KIF16B: variants seen among roughly 807,000 people sequenced by gnomAD.
KIF16B encodes kinesin-like protein KIF16B.
Under a neutral mutation model 156.3 loss-of-function variants are expected in KIF16B, and 98 were observed. That is an observed-to-expected ratio of 0.63 (90% CI 0.53 to 0.74). The LOEUF (loss-of-function observed/expected upper bound fraction) is 0.74, where lower values mean the gene tolerates loss of function less well. Among genes scored for constraint, KIF16B ranks in the 30% least tolerant of loss-of-function variants. KIF16B has a pLI of 0.00. For missense variants in KIF16B, 1,421 were observed against 1,606.5 expected (o/e 0.88, Z 1.97); for synonymous variants, 564 against 583.7 (o/e 0.97, Z 0.49).
In KIF16B at chr20:16,272,254, T is replaced by A. The variant is rs2062996082; in HGVS notation, c.*999A>T. 1 of 152,668 alleles carries A rather than the reference T, an allele frequency of 6.6e-6. No individual in the cohort carries two copies. Among genetic ancestry groups the A allele is most frequent in the African/African-American group, 2.4e-5 (1 of 41,472 alleles). The allele number at this position is 152,668 out of a possible 1,614,324, so 9.5% of individuals were successfully genotyped here. A position where few individuals can be genotyped will look rare whatever the true frequency, so the allele number is the denominator to read the frequency against. ...ATATATAAATCTATAGATAGAATTA[T>A]ATACATTTGAGTATATACCACATAC... On this transcript the variant is annotated 3_prime_UTR_variant, in exon 26 of 26. Coordinates refer to ENST00000354981, the MANE Select transcript of KIF16B (RefSeq NM_024704.5).
chr20:16,542,186 T>C (rs2070230775), intron 1 of KIF16B, among the ~76,000 whole-genome samples: 1 of 152,020 alleles, frequency 6.6e-6, no homozygotes, highest in Non-Finnish European at 1.5e-5. Context: ...AGCCTAACAA[T>C]CAGAAGTGCC....
intron 15 of KIF16B, among the ~76,000 whole-genome samples, chr20:16,419,641 A>G (rs1043486675): frequency 6.6e-6 from 1 of 152,202 alleles, no homozygotes; most frequent in African/African-American, 2.4e-5. Flanking sequence ...TGAATAGTCA[A>G]TGGATCTGAC....
chr20:16,377,297 T>C (rs1343549973), intron 19 of KIF16B, among the ~76,000 whole-genome samples: 4 of 152,052 alleles, frequency 2.6e-5, no homozygotes, highest in Non-Finnish European at 4.4e-5. Context: ...TGGTGGCTCA[T>C]GACTATAATC....
At chr20:16,305,646 T>G (rs1363380733) in intron 25 of KIF16B, among the ~76,000 whole-genome samples, 1 of 152,184 alleles carries the variant, frequency 6.6e-6, no homozygotes, top group Non-Finnish European at 1.5e-5. Context: ...TAATTGTATT[T>G]TTGTACCCAT....
intron 15 of KIF16B, among the ~76,000 whole-genome samples, chr20:16,425,569 A>C (rs910900772): frequency 5.9e-5 from 9 of 152,152 alleles, no homozygotes; most frequent in Admixed American, 3.3e-4. Flanking sequence ...AATTTACAAT[A>C]TCAAAGTACC....
chr20:16,419,316 A>G (rs2146363972), intron 15 of KIF16B, among the ~76,000 whole-genome samples: 1 of 152,292 alleles, frequency 6.6e-6, no homozygotes, highest in South Asian at 2.1e-4. Flanking sequence ...GAAGGAACAG[A>G]CACTGATACC....
chr20:16,388,223 T>A (rs953490678), intron 17 of KIF16B, among the ~76,000 whole-genome samples: 1 of 152,204 alleles, frequency 6.6e-6, no homozygotes, highest in African/African-American at 2.4e-5. Context: ...AGAGAGATTT[T>A]TAGATATGCA....
rs757018099 is a variant in KIF16B, at chr20:16,389,563, C to A, written c.1785-7816G>T. Reference sequence around the variant, plus strand: ...GACAAAAAATGATTGACCTTTTCACCACACTACCATCCCCTAGGAAACTTC... The same window carrying A: ...GACAAAAAATGATTGACCTTTTCACAACACTACCATCCCCTAGGAAACTTC... On this transcript the variant is annotated intron_variant, in intron 17 of 25. Transcript: ENST00000354981. Among the ~76,000 whole-genome samples, 17 of 152,244 alleles carry A rather than the reference C, an allele frequency of 1.1e-4. No homozygotes were observed. The South Asian group carries it at 1.5e-3, about 13-fold the overall frequency.
intron 3 of KIF16B, among the ~76,000 whole-genome samples, chr20:16,523,241 A>T (rs997691064): frequency 6.6e-6 from 1 of 152,220 alleles, no homozygotes; most frequent in African/African-American, 2.4e-5. Flanking sequence ...GAGAAAGTCA[A>T]ATTGTCTCTG....
chr20:16,520,436 A>G (rs2069304565), intron 3 of KIF16B, among the ~76,000 whole-genome samples: 1 of 152,196 alleles, frequency 6.6e-6, no homozygotes, highest in Admixed American at 6.5e-5. Context: ...AGCAGAGCCC[A>G]CCACAGCTTG....
chr20:16,551,848 C>T (rs749396332), intron 1 of KIF16B, among the ~76,000 whole-genome samples: 39 of 152,228 alleles, frequency 2.6e-4, no homozygotes, highest in Non-Finnish European at 4.3e-4. Context: ...CCCCCTCCCA[C>T]GACAGCTACA....
chr20:16,464,955 T>C (rs752222464), intron 12 of KIF16B, among the ~76,000 whole-genome samples: 11 of 152,158 alleles, frequency 7.2e-5, no homozygotes, highest in Admixed American at 6.5e-5. Context: ...GGACCACATA[T>C]AGAGAAGCCA....
In KIF16B at chr20:16,505,839, C is replaced by A; in HGVS notation, c.883G>T (p.Asp295Tyr). 6.2e-7 allele frequency: 1 copy of A among 1,613,862 alleles called. No individual in the cohort carries two copies. The highest frequency in any genetic ancestry group is 8.5e-7 in the Non-Finnish European group (1 of 1,179,934). The change falls in exon 9 of 26, where the codon GAT becomes TAT. Residue 295 changes from aspartate to tyrosine, a missense_variant. Asp to Tyr is a radical substitution (Grantham distance 160). Transcript: ENST00000354981. Reference protein sequence around the residue: ...VISALADLSQDAANTLAKKKQ... With the variant: ...VISALADLSQYAANTLAKKKQ... The stretch of plus-strand genomic sequence containing the variant: ...TTCTTTGCAAGAGTATTTGCAGCAT[C>A]CTGAGATAAATCAGCTATGAAAAGG...
At chr20:16,501,294 AT>A in intron 10 of KIF16B, among the ~76,000 whole-genome samples, 1 of 89,320 alleles carries the variant, frequency 1.1e-5, no homozygotes. Flanking sequence ...AATACCAAGA[AT>A]TGAATTCTTG....
chr20:16,439,853 GCA>G (rs2066745890), intron 12 of KIF16B, among the ~76,000 whole-genome samples: 1 of 152,098 alleles, frequency 6.6e-6, no homozygotes, highest in African/African-American at 2.4e-5. Context: ...CATGAGAACA[GCA>G]CAGGAAAGAC....
chr20:16,299,925 C>T (rs375494610), intron 25 of KIF16B, among the ~76,000 whole-genome samples: 17 of 152,238 alleles, frequency 1.1e-4, no homozygotes, highest in African/African-American at 1.7e-4. Flanking sequence ...TAGAATATCG[C>T]AAATAATACT....
In KIF16B at chr20:16,322,917, G is replaced by A. The variant is rs373472402; in HGVS notation, c.3712-10499C>T. On this transcript the variant is annotated intron_variant, in intron 24 of 25. Transcript: ENST00000354981. ...ACAGTATAAGCCATTTTGATAAATG[G>A]CATCGCTATTACTTTGGATATAAAT... 9.2e-5 allele frequency among the ~76,000 whole-genome samples: 14 copies of A among 151,900 alleles called. 1 individual carries two copies. In the East Asian group the frequency reaches 1.3e-3, roughly 15 times the overall value.
chr20:16,309,069 C>A (rs2063581327), intron 25 of KIF16B, among the ~76,000 whole-genome samples: 1 of 147,988 alleles, frequency 6.8e-6, no homozygotes, highest in Admixed American at 6.7e-5. Context: ...ACTGGTTGAG[C>A]TGGGCCAGGA....
At chr20:16,537,598 T>C (rs2070021766) in intron 1 of KIF16B, among the ~76,000 whole-genome samples, 1 of 152,090 alleles carries the variant, frequency 6.6e-6, no homozygotes, top group Non-Finnish European at 1.5e-5. Context: ...TCTTCCCACG[T>C]GGGTCTCCCT....
Sources: gnomAD v4.1 joint callset for allele counts (sites outside exome capture counted in the v4.1 genomes callset) on GRCh38, gnomAD v4.1.1 for gene constraint, MANE v1.5 for transcripts, NCBI Gene and HGNC (gene_info 2026-07-23, HGNC 2026-07-21) for gene names.